The following C10orf143 variants were observed in gnomAD, a reference collection of about 807,000 sequenced individuals.
The protein encoded by C10orf143 is uncharacterized protein C10orf143.
At chr10:130,088,494 A>T (rs561281646) in intron 1 of C10orf143, among the ~76,000 whole-genome samples, 1 of 152,324 alleles carries the variant, frequency 6.6e-6, no homozygotes, top group East Asian at 1.9e-4. Flanking sequence ...CTAATCTTTC[A>T]TTTTGAAGGT....
Position 130,064,357 on chromosome 10 carries a change from A to G in C10orf143, c.324T>C (p.His108=). ...ESGHFSHTKN[H] is the part of the protein sequence containing the mutation. ...TCTTTTTTCCAGCTTGCATCTTCTA[A>G]TGATTCTTGGTATGGCTAAAATGTC... The change falls in exon 4 of 4, where the codon CAT becomes CAC. Residue 108 remains histidine (H), a synonymous_variant. Coordinates refer to ENST00000637128, the MANE Select transcript of C10orf143 (RefSeq NM_001355042.2). 1 of 398,624 alleles carries G rather than the reference A, an allele frequency of 2.5e-6. No individual in the cohort carries two copies. The highest frequency in any genetic ancestry group is 4.4e-6 in the Non-Finnish European group (1 of 226,050). The allele number at this position is 398,624 out of a possible 1,614,324, so 24.7% of individuals were successfully genotyped here.
chr10:130,036,926 T>C (rs1420580041), intron 3 of C10orf143, among the ~76,000 whole-genome samples: 1 of 151,600 alleles, frequency 6.6e-6, no homozygotes, highest in Non-Finnish European at 1.5e-5. Flanking sequence ...GTGGGCTGCA[T>C]GCCTGACTGT....
chr10:130,061,025 C>T (rs1295699602), downstream of C10orf143, among the ~76,000 whole-genome samples: 3 of 152,026 alleles, frequency 2.0e-5, no homozygotes, highest in Non-Finnish European at 4.4e-5. Context: ...GTGGTCCCAG[C>T]TGCTCAGGAT....
At chr10:130,095,069 C>T (rs949177284) in intron 1 of C10orf143, among the ~76,000 whole-genome samples, 2 of 152,098 alleles carry the variant, frequency 1.3e-5, no homozygotes, top group African/African-American at 4.8e-5. Context: ...AAAAACATTC[C>T]TATACACCAA....
chr10:130,090,296 CG>C (rs1861359728), intron 1 of C10orf143, among the ~76,000 whole-genome samples: 1 of 152,088 alleles, frequency 6.6e-6, no homozygotes, highest in Non-Finnish European at 1.5e-5. Context: ...TCGCCTAACC[CG>C]GGAAGCACAA....
At chr10:130,100,391 G>A (rs1390431768) in intron 1 of C10orf143, among the ~76,000 whole-genome samples, 3 of 151,836 alleles carry the variant, frequency 2.0e-5, no homozygotes, top group African/African-American at 4.8e-5. Flanking sequence ...TTAGCCAGGC[G>A]TGGTGGTGCG....
intron 3 of C10orf143, among the ~76,000 whole-genome samples, chr10:130,041,028 G>A (rs1169385923): frequency 6.6e-6 from 1 of 152,150 alleles, no homozygotes; most frequent in Non-Finnish European, 1.5e-5. Flanking sequence ...CCTCCAGGAG[G>A]CCCTGACAGG....
chr10:130,047,585 G>A (rs573219660), intron 3 of C10orf143, among the ~76,000 whole-genome samples: 61 of 152,282 alleles, frequency 4.0e-4, no homozygotes, highest in African/African-American at 1.4e-3. Flanking sequence ...CGCACTCCAG[G>A]CTTCCTGCGT....
chr10:130,095,841 TAGA>T (rs1254705158), intron 1 of C10orf143, among the ~76,000 whole-genome samples: 2 of 152,170 alleles, frequency 1.3e-5, no homozygotes, highest in Admixed American at 1.3e-4. Context: ...ATAAAAACCC[TAGA>T]AGAAAACCTA....
intron 3 of C10orf143, among the ~76,000 whole-genome samples, chr10:130,053,249 C>T (rs1166185574): frequency 2.6e-5 from 4 of 152,028 alleles, no homozygotes; most frequent in African/African-American, 2.4e-5. Context: ...TTAGTAGAAA[C>T]GGGGTTTCAC....
chr10:130,103,283 C>A (rs1485782614), intron 1 of C10orf143, among the ~76,000 whole-genome samples: 2 of 152,060 alleles, frequency 1.3e-5, no homozygotes, highest in Non-Finnish European at 2.9e-5. Flanking sequence ...ACAGCTGAGT[C>A]TTGATTTTTT....
chr10:130,050,447 A>G (rs531839063), intron 3 of C10orf143, among the ~76,000 whole-genome samples: 1 of 152,314 alleles, frequency 6.6e-6, no homozygotes, highest in South Asian at 2.1e-4. Context: ...TCCCAGCTAC[A>G]TGGGAGGTCA....
downstream of C10orf143, among the ~76,000 whole-genome samples, chr10:130,062,784 C>T (rs111633174): frequency 2.6e-5 from 4 of 152,206 alleles, no homozygotes; most frequent in African/African-American, 7.2e-5. Flanking sequence ...CTAGAGAACC[C>T]TAATACACCC....
chr10:130,070,591 A>T (rs942010289), intron 3 of C10orf143, among the ~76,000 whole-genome samples: 1 of 152,198 alleles, frequency 6.6e-6, no homozygotes, highest in Admixed American at 6.5e-5. Context: ...AAAACATTAG[A>T]TATCACCAAA....
rs1406676216 is a variant in C10orf143 at position 130,110,818 on chromosome 10, GC to G, written c.-47del. The G allele has an allele frequency of 5.0e-6, 2 of 398,754 alleles. No individual in the cohort carries two copies. Among genetic ancestry groups the G allele is most frequent in the African/African-American group, 4.1e-5 (2 of 48,634 alleles). The allele number at this position is 398,754 out of a possible 1,614,324, so 24.7% of individuals were successfully genotyped here. A position where few individuals can be genotyped will look rare whatever the true frequency, so the allele number is the denominator to read the frequency against. On this transcript the variant is annotated 5_prime_UTR_variant, in exon 1 of 4. Coordinates refer to ENST00000637128, the MANE Select transcript of C10orf143 (RefSeq NM_001355042.2). ...TCCCGGCATCTCAGGCCTGGCCGAG[GC>G]CCGCGCACCACGCCCCCTTCCGCAC... is the stretch of plus-strand genomic sequence containing the variant.
Position 130,056,701 on chromosome 10 carries a change from C to T in C10orf143, c.298-20731G>A, listed in dbSNP as rs1860799309. Among the ~76,000 whole-genome samples the T allele has an allele frequency of 5.9e-5, 9 of 152,254 alleles. No homozygotes were observed. The South Asian group carries it at 1.9e-3, about 32-fold the overall frequency. ...CCGCCTCCTGGGTTCATGCCATTCT[C>T]CTGCCTCAGCCTCCTGAGTAGCTGG... On this transcript the variant is annotated intron_variant and NMD_transcript_variant, in intron 3 of 5. Transcript: ENST00000643056. The surrounding 1 kb of genome is among the most constrained non-coding windows in gnomAD (Gnocchi z 4.6).
At chr10:130,091,402 C>CA (rs1472617270) in intron 1 of C10orf143, among the ~76,000 whole-genome samples, 3 of 152,222 alleles carry the variant, frequency 2.0e-5, no homozygotes, top group Admixed American at 1.3e-4. Flanking sequence ...ACAGAACCCC[C>CA]ATCCAAAGGT....
chr10:130,043,475 C>T (rs141516676), intron 3 of C10orf143, among the ~76,000 whole-genome samples: 27 of 152,310 alleles, frequency 1.8e-4, no homozygotes, highest in African/African-American at 6.3e-4. Flanking sequence ...CCCCTCTGTA[C>T]TGTGCTTCTC....
intron 1 of C10orf143, among the ~76,000 whole-genome samples, chr10:130,090,446 C>T (rs1014111366): frequency 2.6e-5 from 4 of 152,184 alleles, no homozygotes; most frequent in African/African-American, 9.7e-5. Flanking sequence ...CGGGTGCCTA[C>T]ACCACCAGGG....
Sources: allele counts gnomAD v4.1 joint callset (sites outside exome capture counted in the v4.1 genomes callset), GRCh38; gene constraint gnomAD v4.1.1; non-coding constraint Gnocchi (gnomAD v3.1); transcripts MANE v1.5; gene names NCBI Gene and HGNC (gene_info 2026-07-23, HGNC 2026-07-21).